PTPRG: variants seen among roughly 807,000 people sequenced by gnomAD.
PTPRG encodes protein tyrosine phosphatase receptor type G.
Under a neutral mutation model 165.3 loss-of-function variants are expected in PTPRG, and 102 were observed. The ratio of observed to expected loss-of-function variants is 0.62; its 90% CI spans 0.53 to 0.73. PTPRG has a LOEUF of 0.73. PTPRG is among the 30% of genes least tolerant of loss of function. The pLI is 0.00. For synonymous variants in PTPRG, 675 were observed against 669.5 expected (o/e 1.01, Z -0.13); for missense variants, 1,866 against 1,861.4 (o/e 1.00, Z -0.05).
At chr3:62,018,776 C>T (rs11714561) in intron 4 of PTPRG, among the ~76,000 whole-genome samples, 43,090 of 152,060 alleles carry the variant, frequency 0.28, 6,261 homozygotes, top group East Asian at 0.36. Context: ...TGAGCCACAT[C>T]CCGGGGAAGC....
intron 1 of PTPRG, among the ~76,000 whole-genome samples, chr3:61,711,179 C>T (rs2031533957): frequency 6.6e-6 from 1 of 152,140 alleles, no homozygotes; most frequent in South Asian, 2.1e-4. Flanking sequence ...CATTGATAGA[C>T]ATTTGGGTTG....
intron 4 of PTPRG, among the ~76,000 whole-genome samples, chr3:62,011,296 G>A (rs1237343106): frequency 3.3e-5 from 5 of 152,220 alleles, no homozygotes; most frequent in African/African-American, 1.2e-4. Flanking sequence ...GTAAACACAT[G>A]GGGCGGGTCG....
At chr3:61,619,281 G>C (rs1315795352) in intron 1 of PTPRG, among the ~76,000 whole-genome samples, 1 of 152,152 alleles carries the variant, frequency 6.6e-6, no homozygotes, top group African/African-American at 2.4e-5. Flanking sequence ...ATGAATTTCT[G>C]TATGGAGTTC....
chr3:61,945,682 A>G (rs1035534834), intron 2 of PTPRG, among the ~76,000 whole-genome samples: 4 of 152,170 alleles, frequency 2.6e-5, no homozygotes, highest in Non-Finnish European at 4.4e-5. Context: ...GGAGAGTATA[A>G]TAGCAGGCTG....
At chr3:61,824,565 C>G (rs1407018121) in intron 2 of PTPRG, among the ~76,000 whole-genome samples, 2 of 152,170 alleles carry the variant, frequency 1.3e-5, no homozygotes, top group African/African-American at 2.4e-5. Flanking sequence ...TATGGTGGCT[C>G]ACGCCTGTAA....
intron 4 of PTPRG, among the ~76,000 whole-genome samples, chr3:62,031,063 T>G (rs2107782038): frequency 6.6e-6 from 1 of 152,346 alleles, no homozygotes; most frequent in East Asian, 1.9e-4. Flanking sequence ...CAACTGGATT[T>G]TATTGAAATG....
intron 23 of PTPRG, among the ~76,000 whole-genome samples, chr3:62,274,742 TCA>T (rs1239233913): frequency 2.0e-5 from 3 of 152,142 alleles, no homozygotes; most frequent in African/African-American, 4.8e-5. Flanking sequence ...TTCACTGAGT[TCA>T]GTCATAAAAT....
chr3:61,599,373 C>G (rs1274737540), intron 1 of PTPRG, among the ~76,000 whole-genome samples: 2 of 152,142 alleles, frequency 1.3e-5, no homozygotes, highest in Non-Finnish European at 2.9e-5. Flanking sequence ...GTCTCGAACT[C>G]CTGACATCAA....
At chr3:61,595,321 T>G (rs1700676327) in intron 1 of PTPRG, among the ~76,000 whole-genome samples, 1 of 152,182 alleles carries the variant, frequency 6.6e-6, no homozygotes, top group Admixed American at 6.5e-5. Flanking sequence ...AAAATCTGAT[T>G]ATATAGTGTT....
intron 5 of PTPRG, among the ~76,000 whole-genome samples, chr3:62,081,446 G>A (rs551154576): frequency 1.3e-5 from 2 of 152,146 alleles, no homozygotes; most frequent in South Asian, 4.2e-4. Flanking sequence ...GGGTTCAAGG[G>A]GATCCTCCTG....
intron 8 of PTPRG, among the ~76,000 whole-genome samples, chr3:62,189,198 C>A (rs1217482921): frequency 6.6e-6 from 1 of 152,104 alleles, no homozygotes; most frequent in African/African-American, 2.4e-5. Context: ...TTCCTCCCTC[C>A]CTCCCTTCCT....
chr3:61,872,060 A>G (rs911564614), intron 2 of PTPRG, among the ~76,000 whole-genome samples: 1 of 152,188 alleles, frequency 6.6e-6, no homozygotes, highest in East Asian at 1.9e-4. Flanking sequence ...CATATATTCC[A>G]TTGACTGTTG....
In PTPRG at chr3:61,596,947, A is replaced by G. The variant is rs1238887975; in HGVS notation, c.85+34575A>G. On this transcript the variant is annotated intron_variant, in intron 1 of 29. Coordinates refer to ENST00000474889, the MANE Select transcript of PTPRG (RefSeq NM_002841.4). ...ATAACAGAATACCTAAGACTAGGTAATTTATAGTGAAGAGAAATTTATTAG... is the reference window on the plus strand; with the variant it reads ...ATAACAGAATACCTAAGACTAGGTAGTTTATAGTGAAGAGAAATTTATTAG... 6.6e-5 allele frequency among the ~76,000 whole-genome samples: 10 copies of G among 152,212 alleles called. No homozygotes were observed. In the South Asian group the frequency reaches 1.9e-3, roughly 28 times the overall value.
chr3:61,768,203 C>T (rs1286916008), intron 2 of PTPRG, among the ~76,000 whole-genome samples: 1 of 152,128 alleles, frequency 6.6e-6, no homozygotes, highest in Non-Finnish European at 1.5e-5. Flanking sequence ...ACTAGACCCA[C>T]CATTTATCAC....
chr3:62,295,886 A>AAGAC lies in PTPRG; in HGVS notation c.*2582_*2585dup, dbSNP rs1469682144. 6.6e-6 allele frequency: 1 copy of AAGAC among 152,118 alleles called. No individual in the cohort carries two copies. Among genetic ancestry groups the AAGAC allele is most frequent in the Admixed American group, 6.6e-5 (1 of 15,250 alleles). The allele number at this position is 152,118 out of a possible 1,614,324, so 9.4% of individuals were successfully genotyped here. A position where few individuals can be genotyped will look rare whatever the true frequency, so the allele number is the denominator to read the frequency against. On this transcript the variant is annotated 3_prime_UTR_variant, in exon 30 of 30. Transcript: ENST00000474889. ...GCATCTTTCCAGAGGCAGAGTTTCA[A>AAGAC]AGACAGGGTTTTCTTTGAGACATAA...
At chr3:61,832,735 G>A (rs2036333110) in intron 2 of PTPRG, among the ~76,000 whole-genome samples, 1 of 152,034 alleles carries the variant, frequency 6.6e-6, no homozygotes, top group Non-Finnish European at 1.5e-5. Context: ...GGTTTTTGGG[G>A]AACAGGGTAT....
At chr3:61,898,130 A>G (rs79397231) in intron 2 of PTPRG, among the ~76,000 whole-genome samples, 4 of 152,184 alleles carry the variant, frequency 2.6e-5, no homozygotes, top group East Asian at 3.8e-4. Flanking sequence ...CTTGTTCCCA[A>G]TCTTAGAAAG....
rs1293051250 is a variant in PTPRG, at chr3:61,600,190, A to ATGTGTGTGTGTG, written c.85+37819_85+37820insGTGTGTGTGTGT. On this transcript the variant is annotated intron_variant, in intron 1 of 29. Transcript: ENST00000474889. ...AAAAAAAAAATATATATATATATATATATGTGTGTGTGTGTGTGTGTGTGT... is the reference window on the plus strand; with the variant it reads ...AAAAAAAAAATATATATATATATATATGTGTGTGTGTGTATGTGTGTGTGTGTGTGTGTGTGT... Among the ~76,000 whole-genome samples the ATGTGTGTGTGTG allele has an allele frequency of 6.7e-3, 791 of 118,312 alleles. 6 individuals are homozygous for ATGTGTGTGTGTG. The highest frequency in any genetic ancestry group is 0.032 in the East Asian group (132 of 4,062). The allele number at this position is 118,312 out of a possible 152,430, so 77.6% of individuals were successfully genotyped here. A position where few individuals can be genotyped will look rare whatever the true frequency, so the allele number is the denominator to read the frequency against.
intron 2 of PTPRG, among the ~76,000 whole-genome samples, chr3:61,778,080 CA>C (rs1490627904): frequency 6.6e-6 from 1 of 152,092 alleles, no homozygotes; most frequent in East Asian, 1.9e-4. Flanking sequence ...GGTTGTAACC[CA>C]TTTTGTTATT....
Sources: allele counts gnomAD v4.1 joint callset (sites outside exome capture counted in the v4.1 genomes callset), GRCh38; gene constraint gnomAD v4.1.1; transcripts MANE v1.5; gene names NCBI Gene and HGNC (gene_info 2026-07-23, HGNC 2026-07-21).